DNMBP: variants seen among roughly 807,000 people sequenced by gnomAD.
DNMBP encodes dynamin binding protein, also known as dynamin-binding protein.
Under a neutral mutation model 150.0 loss-of-function variants are expected in DNMBP, and 87 were observed. That is an observed-to-expected ratio of 0.58 (90% CI 0.49 to 0.69). The LOEUF (loss-of-function observed/expected upper bound fraction) is 0.69. Among genes scored for constraint, DNMBP ranks in the 30% least tolerant of loss-of-function variants. The probability of loss-of-function intolerance (pLI) is 0.00; values close to 1 mark genes in which losing one functional copy is unlikely to be tolerated. For synonymous variants in DNMBP, 711 were observed against 750.4 expected (o/e 0.95, Z 0.86); for missense variants, 1,774 against 1,949.0 (o/e 0.91, Z 1.69).
At chr10:99,937,650 C>A (rs2040248727) in intron 4 of DNMBP, among the ~76,000 whole-genome samples, 1 of 152,168 alleles carries the variant, frequency 6.6e-6, no homozygotes, top group African/African-American at 2.4e-5. Context: ...CATGTACACC[C>A]CAACACCACC....
At chr10:99,891,149 ACTCCCT>A (rs1447383319) in intron 11 of DNMBP, among the ~76,000 whole-genome samples, 4 of 149,444 alleles carry the variant, frequency 2.7e-5, no homozygotes, top group South Asian at 2.1e-4. Context: ...AAGTACTAGA[ACTCCCT>A]CTCCCTCTCC....
intron 1 of DNMBP, among the ~76,000 whole-genome samples, chr10:99,977,665 C>T (rs1054077187): frequency 9.2e-5 from 14 of 152,190 alleles, no homozygotes; most frequent in Non-Finnish European, 1.5e-4. Context: ...ATTTCATTCA[C>T]TGGTCTACAG....
rs1438691884 is a variant in DNMBP at position 99,885,844 on chromosome 10, T to C, written c.3641A>G (p.Glu1214Gly). ...LLSLLKVAGREGNLIAIFHEE... is the reference protein window; with the variant it reads ...LLSLLKVAGRGGNLIAIFHEE... Reference sequence around the variant, plus strand: ...GTGGAAGATGGCAATAAGGTTTCCCTCTCTGCCAGCCACTTTGAGTAACTG... The same window carrying C: ...GTGGAAGATGGCAATAAGGTTTCCCCCTCTGCCAGCCACTTTGAGTAACTG... Residue 1214 changes from glutamate (E) to glycine (G), a missense_variant, in exon 14 of 17, where the codon GAG becomes GGG. Physicochemically the swap from Glu to Gly is moderately conservative, Grantham distance 98. Transcript: ENST00000324109. The C allele has an allele frequency of 6.2e-7, 1 of 1,612,766 alleles. No homozygotes were observed. Among genetic ancestry groups the C allele is most frequent in the Admixed American group, 1.7e-5 (1 of 59,866 alleles).
chr10:99,976,616 G>A (rs574793809), intron 1 of DNMBP, among the ~76,000 whole-genome samples: 16 of 152,252 alleles, frequency 1.1e-4, no homozygotes, highest in African/African-American at 3.9e-4. Flanking sequence ...TAAATGCGAG[G>A]CTAACAAACT....
chr10:99,961,094 T>A (rs900387108), intron 3 of DNMBP, among the ~76,000 whole-genome samples: 10 of 151,412 alleles, frequency 6.6e-5, no homozygotes, highest in Non-Finnish European at 1.3e-4. Flanking sequence ...ATCTCAAGAG[T>A]CTGGTATGAT....
At chr10:99,892,691 C>CT (rs1270162498) in intron 11 of DNMBP, among the ~76,000 whole-genome samples, 6 of 148,268 alleles carry the variant, frequency 4.0e-5, no homozygotes, top group Non-Finnish European at 7.4e-5. Context: ...CTGACCTTCC[C>CT]TCCACTATTG....
At chr10:99,952,011 A>T (rs1257738189) in intron 4 of DNMBP, among the ~76,000 whole-genome samples, 1 of 152,084 alleles carries the variant, frequency 6.6e-6, no homozygotes, top group Non-Finnish European at 1.5e-5. Flanking sequence ...AGATAATTGA[A>T]TCATGGGGGC....
chr10:99,956,810 CA>C lies in DNMBP; in HGVS notation c.663del (p.Ile221MetfsTer6). 6.2e-7 allele frequency: 1 copy of C among 1,614,170 alleles called. No homozygotes were observed. Among genetic ancestry groups the C allele is most frequent in the Non-Finnish European group, 8.5e-7 (1 of 1,180,014 alleles). ...ACAGGGGTATCTACTTCACCATTAA[CA>C]ATGCAGTCATCTTGATTTCCAGAAC... Reference protein sequence around the residue: ...SVSSGNQDDCIVNGEVDTPVG... With the variant: ...SVSSGNQDDCXVNGEVDTPVG... On this transcript the variant is annotated frameshift_variant, in exon 4 of 17. Transcript: ENST00000324109. LOFTEE classifies it high-confidence loss of function.
At chr10:99,904,185 G>T (rs1281452588) in intron 6 of DNMBP, among the ~76,000 whole-genome samples, 1 of 152,062 alleles carries the variant, frequency 6.6e-6, no homozygotes, top group African/African-American at 2.4e-5. Context: ...AGCCCAGAAG[G>T]TAGAGGCTGC....
intron 6 of DNMBP, among the ~76,000 whole-genome samples, chr10:99,901,642 T>C (rs549601389): frequency 2.6e-4 from 39 of 152,256 alleles, no homozygotes; most frequent in Non-Finnish European, 4.1e-4. Flanking sequence ...CTTACTATGA[T>C]GACTCTTCCT....
chr10:99,944,710 T>A (rs751297855), intron 4 of DNMBP, among the ~76,000 whole-genome samples: 8 of 129,968 alleles, frequency 6.2e-5, no homozygotes, highest in Non-Finnish European at 1.0e-4. Context: ...GCCCACAAAA[T>A]GATGTTTCAT....
chr10:99,885,744 C>T lies in DNMBP; in HGVS notation c.3741G>A (p.Lys1247=). The T allele has an allele frequency of 6.3e-7, 1 of 1,599,182 alleles. No individual in the cohort carries two copies. Among genetic ancestry groups the T allele is most frequent in the African/African-American group, 1.3e-5 (1 of 74,892 alleles). Reference sequence around the variant, plus strand: ...GGTCAATGGTTTTCCTCTCAAATGGCTTCTTGGTAGCTGGAAGAGACTCCG... The same window carrying T: ...GGTCAATGGTTTTCCTCTCAAATGGTTTCTTGGTAGCTGGAAGAGACTCCG... ...FFPESLPATK[K]PFERKTIDRQ... Residue 1247 remains lysine, a synonymous_variant, in exon 14 of 17, where the codon AAG becomes AAA. Transcript: ENST00000324109.
At chr10:99,959,511 C>A (rs1174636882) in intron 3 of DNMBP, among the ~76,000 whole-genome samples, 4 of 151,802 alleles carry the variant, frequency 2.6e-5, no homozygotes, top group African/African-American at 2.4e-5. Flanking sequence ...AACAAAAAAA[C>A]CACCCAAAAA....
chr10:99,951,153 C>A (rs914515346), intron 4 of DNMBP, among the ~76,000 whole-genome samples: 16 of 152,248 alleles, frequency 1.1e-4, no homozygotes, highest in Admixed American at 5.2e-4. Context: ...AAGCCCCAAG[C>A]CTTGGCAGCT....
chr10:99,962,798 G>A (rs928494872), intron 3 of DNMBP, among the ~76,000 whole-genome samples: 2 of 152,190 alleles, frequency 1.3e-5, no homozygotes, highest in African/African-American at 4.8e-5. Context: ...CACTCTGCTG[G>A]CTTTGAAATC....
chr10:99,982,338 G>A (rs932817023), intron 1 of DNMBP, among the ~76,000 whole-genome samples: 5 of 152,070 alleles, frequency 3.3e-5, no homozygotes, highest in African/African-American at 1.2e-4. Context: ...CAGCTACTGG[G>A]GAGGCTGAGG....
intron 7 of DNMBP, among the ~76,000 whole-genome samples, 157 bp from the exon 8 acceptor site, chr10:99,898,917 G>T (rs1413501489): frequency 6.6e-6 from 1 of 152,254 alleles, no homozygotes; most frequent in Non-Finnish European, 1.5e-5. Context: ...CCCCGGCCAG[G>T]CATGGTGGCT....
At chr10:99,894,586 G>A (rs1038155153) in intron 11 of DNMBP, among the ~76,000 whole-genome samples, 9 of 152,108 alleles carry the variant, frequency 5.9e-5, no homozygotes, top group South Asian at 4.1e-4. Context: ...GTTCTTTCTC[G>A]TTTACGTTTC....
Position 99,956,813 on chromosome 10 carries a change from T to A in DNMBP, c.661A>T (p.Ile221Phe). The change falls in exon 4 of 17, where the codon ATT becomes TTT. Residue 221 changes from isoleucine to phenylalanine, a missense_variant. By Grantham distance (21) the Ile-to-Phe change is conservative. Around this residue, in one of 2 missense-constraint regions of DNMBP, gnomAD observed 344 missense variants for 456.6 expected, o/e 0.75. Coordinates refer to ENST00000324109, the MANE Select transcript of DNMBP (RefSeq NM_015221.4). Reference protein sequence around the residue: ...SVSSGNQDDCIVNGEVDTPVG... With the variant: ...SVSSGNQDDCFVNGEVDTPVG... ...GGGGTATCTACTTCACCATTAACAATGCAGTCATCTTGATTTCCAGAACTT... is the reference window on the plus strand; with the variant it reads ...GGGGTATCTACTTCACCATTAACAAAGCAGTCATCTTGATTTCCAGAACTT... The A allele has an allele frequency of 6.2e-7, 1 of 1,614,150 alleles. No homozygotes were observed. Among genetic ancestry groups the A allele is most frequent in the Non-Finnish European group, 8.5e-7 (1 of 1,180,018 alleles).
Sources: allele counts gnomAD v4.1 joint callset (sites outside exome capture counted in the v4.1 genomes callset), GRCh38; gene constraint gnomAD v4.1.1; regional missense constraint gnomAD v4.1.1; transcripts MANE v1.5; gene names NCBI Gene and HGNC (gene_info 2026-07-23, HGNC 2026-07-21).